The following SNX29 variants were observed in gnomAD, a reference collection of about 807,000 sequenced individuals.
The protein encoded by SNX29 is sorting nexin-29.
A neutral mutation model predicts 102.1 loss-of-function variants in SNX29; 78 were observed. The observed-to-expected ratio is 0.76, with a 90% confidence interval of 0.64 to 0.92. SNX29 has a LOEUF of 0.92. Among genes scored for constraint, SNX29 ranks in the 40% least tolerant of loss-of-function variants. The probability of loss-of-function intolerance (pLI) is 0.00; values close to 1 mark genes in which losing one functional copy is unlikely to be tolerated. For synonymous variants in SNX29, 580 were observed against 414.5 expected, an observed-to-expected ratio of 1.40 and a Z score of -4.85; for missense variants, 1,280 against 1,061.7, an observed-to-expected ratio of 1.21 and a Z score of -2.86.
chr16:12,411,721 T>TG (rs753826694), intron 18 of SNX29, among the ~76,000 whole-genome samples: 5 of 152,018 alleles, frequency 3.3e-5, no homozygotes, highest in Admixed American at 2.0e-4. Flanking sequence ...GCAGGCTGTG[T>TG]GGGGTAAAGG....
intron 18 of SNX29, among the ~76,000 whole-genome samples, chr16:12,455,510 AT>A (rs2086497643): frequency 6.6e-6 from 1 of 152,130 alleles, no homozygotes; most frequent in Non-Finnish European, 1.5e-5. Flanking sequence ...TTCTCCCCAC[AT>A]TAGCCAGTGT....
chr16:12,304,185 T>G (rs1441671131), intron 15 of SNX29, among the ~76,000 whole-genome samples: 1 of 152,068 alleles, frequency 6.6e-6, no homozygotes, highest in Admixed American at 6.5e-5. Flanking sequence ...TTTTTTGTTT[T>G]TTTTTTTTGC....
chr16:12,361,978 T>TGTTAATAACGAGCATGC (rs1555519431), intron 16 of SNX29, among the ~76,000 whole-genome samples: 8,960 of 151,642 alleles, frequency 0.059, 485 homozygotes, highest in African/African-American at 0.13. Flanking sequence ...AACGAGCACA[T>TGTTAATAACGAGCATGC]GCCTATACAT....
intron 14 of SNX29, among the ~76,000 whole-genome samples, chr16:12,251,227 C>A (rs1596634932): frequency 1.3e-5 from 2 of 152,340 alleles, no homozygotes; most frequent in East Asian, 1.9e-4. Context: ...GATAATAGCT[C>A]CTGCCTCAGA....
rs1478127910 is a variant in SNX29, at chr16:11,976,789, G to A, written c.-18G>A. 5 of 1,369,826 alleles carry A rather than the reference G, an allele frequency of 3.7e-6. No homozygotes were observed. The highest frequency in any genetic ancestry group is 4.7e-6 in the Non-Finnish European group (5 of 1,060,384). The allele number at this position is 1,369,826 out of a possible 1,614,324, so 84.9% of individuals were successfully genotyped here. A position where few individuals can be genotyped will look rare whatever the true frequency, so the allele number is the denominator to read the frequency against. On this transcript the variant is annotated 5_prime_UTR_variant, in exon 1 of 21. Coordinates refer to ENST00000566228, the MANE Select transcript of SNX29 (RefSeq NM_032167.5). ...GCGGCGGCGGCGCGGCGCAGGCACC[G>A]GCCCGGGGAGAGGCACCATGAGCGG...
At chr16:12,564,934 T>TTA (rs1318263227) in intron 20 of SNX29, among the ~76,000 whole-genome samples, 13 of 144,850 alleles carry the variant, frequency 9.0e-5, no homozygotes, top group African/African-American at 1.5e-4. Flanking sequence ...ACCTTGGTGT[T>TTA]AAAAAAAAAA....
At chr16:12,476,107 G>A (rs1015158593) in intron 18 of SNX29, among the ~76,000 whole-genome samples, 1 of 151,622 alleles carries the variant, frequency 6.6e-6, no homozygotes. Flanking sequence ...GATCATCTGA[G>A]GCCAGGAGTT....
chr16:12,258,181 C>G (rs1440465649), intron 14 of SNX29, among the ~76,000 whole-genome samples: 1 of 152,144 alleles, frequency 6.6e-6, no homozygotes, highest in African/African-American at 2.4e-5. Context: ...TTGCCTCATC[C>G]TGAGAATAAG....
intron 20 of SNX29, among the ~76,000 whole-genome samples, chr16:12,545,956 G>A (rs1425038713): frequency 1.3e-5 from 2 of 152,154 alleles, no homozygotes; most frequent in South Asian, 2.1e-4. Flanking sequence ...GACAACTAAG[G>A]GCAGGATGTG....
At chr16:12,338,785 TC>T (rs1347814991) in intron 15 of SNX29, among the ~76,000 whole-genome samples, 1 of 145,536 alleles carries the variant, frequency 6.9e-6, no homozygotes, top group African/African-American at 2.4e-5. Flanking sequence ...CCCTACCCCA[TC>T]CCCACCCCCA....
intron 19 of SNX29, among the ~76,000 whole-genome samples, chr16:12,510,373 C>G (rs1233159152): frequency 6.6e-6 from 1 of 152,088 alleles, no homozygotes; most frequent in African/African-American, 2.4e-5. Context: ...ACAGATGAGG[C>G]CAAACTGCAT....
At chr16:12,564,074 G>C (rs886727785) in intron 20 of SNX29, among the ~76,000 whole-genome samples, 4 of 152,134 alleles carry the variant, frequency 2.6e-5, no homozygotes, top group African/African-American at 9.7e-5. Context: ...GCTGTATTTT[G>C]GGAGTTTGTA....
At position 12,572,669 on chromosome 16, in the gene SNX29, C is replaced by G. The variant is rs994488888; in HGVS notation, c.*4040C>G. 4.7e-6 allele frequency: 5 copies of G among 1,063,256 alleles called. No homozygotes were observed. The African/African-American group carries it at 8.2e-5, about 17-fold the overall frequency. 65.9% of individuals were successfully genotyped at this position (1,063,256 alleles called of 1,614,324 possible). A position where few individuals can be genotyped will look rare whatever the true frequency, so the allele number is the denominator to read the frequency against. Reference sequence around the variant, plus strand: ...CCAAGCTCCTGTGTGAGCTGCAGCACCCACACGGGGGAAGCCCTGCACTCC... The same window carrying G: ...CCAAGCTCCTGTGTGAGCTGCAGCAGCCACACGGGGGAAGCCCTGCACTCC... On this transcript the variant is annotated 3_prime_UTR_variant, in exon 21 of 21. Coordinates refer to ENST00000566228, the MANE Select transcript of SNX29 (RefSeq NM_032167.5).
intron 14 of SNX29, among the ~76,000 whole-genome samples, chr16:12,224,393 A>G (rs2077556954): frequency 6.6e-6 from 1 of 152,132 alleles, no homozygotes; most frequent in South Asian, 2.1e-4. Flanking sequence ...TGCAGACCTG[A>G]GACATGGTCA....
intron 9 of SNX29, among the ~76,000 whole-genome samples, chr16:12,063,429 C>A (rs920505236): frequency 7.9e-6 from 1 of 127,118 alleles, no homozygotes; most frequent in Admixed American, 9.5e-5. Context: ...GGCTGGAGTG[C>A]AATGGCATGA....
At chr16:12,221,627 A>G (rs143373941) in intron 14 of SNX29, among the ~76,000 whole-genome samples, 236 of 152,238 alleles carry the variant, frequency 1.6e-3, no homozygotes, top group African/African-American at 5.1e-3. Context: ...TGAACAAACA[A>G]AAAAAGGATG....
rs148678911 is a variant in SNX29, at chr16:12,550,024, C to G, written c.2319-18482C>G. On this transcript the variant is annotated intron_variant, in intron 20 of 20. Transcript: ENST00000566228. ...TTATAAGGGCAAAGTTGAGTTGTAA[C>G]TGAGATGGAATGCCTCCCTGGAGCC... 4.2e-3 allele frequency among the ~76,000 whole-genome samples: 646 copies of G among 152,322 alleles called. 6 individuals are homozygous for G. The highest frequency in any genetic ancestry group is 0.015 in the African/African-American group (626 of 41,574).
chr16:12,297,573 C>G (rs1478762858), intron 15 of SNX29, among the ~76,000 whole-genome samples: 1 of 151,876 alleles, frequency 6.6e-6, no homozygotes, highest in Non-Finnish European at 1.5e-5. Flanking sequence ...TCCTCAGCAC[C>G]CCCTGTTGTG....
At chr16:12,376,841 CCT>C (rs2082893357) in intron 16 of SNX29, among the ~76,000 whole-genome samples, 1 of 151,580 alleles carries the variant, frequency 6.6e-6, no homozygotes, top group South Asian at 2.1e-4. Flanking sequence ...CCTTCTCTTT[CCT>C]CTGTCTCTTT....
Sources: gnomAD v4.1 joint callset for allele counts (sites outside exome capture counted in the v4.1 genomes callset) on GRCh38, gnomAD v4.1.1 for gene constraint, MANE v1.5 for transcripts, NCBI Gene and HGNC (gene_info 2026-07-23, HGNC 2026-07-21) for gene names.